The following PRMT3 variants were observed in gnomAD, a reference collection of about 807,000 sequenced individuals.
PRMT3 encodes protein arginine N-methyltransferase 3.
In PRMT3, 62 loss-of-function variants were observed where a neutral mutation model predicts 71.9. The observed-to-expected ratio is 0.86, with a 90% CI of 0.70 to 1.07. The LOEUF (loss-of-function observed/expected upper bound fraction) is 1.07. Among genes scored for constraint, PRMT3 ranks in the 50% least tolerant of loss-of-function variants. The probability of loss-of-function intolerance (pLI) is 0.00; values close to 1 mark genes in which losing one functional copy is unlikely to be tolerated. For synonymous variants in PRMT3, 213 were observed against 220.4 expected (o/e 0.97, Z 0.30); for missense variants, 663 against 643.0 (o/e 1.03, Z -0.34).
At position 20,389,976 on chromosome 11, in the gene PRMT3, A is replaced by T. The variant is rs1364969172; in HGVS notation, c.247+150A>T. On this transcript the variant is annotated intron_variant, in intron 3 of 15. Transcript: ENST00000331079. ...AGACCAGCCTGGCCAACATGCTGAA[A>T]CCCCACCTGTACTAAAATACAAAAG... 6 of 557,044 alleles carry T rather than the reference A, an allele frequency of 1.1e-5. No individual in the cohort carries two copies. The East Asian group carries it at 1.8e-4, about 17-fold the overall frequency. The allele number at this position is 557,044 out of a possible 1,614,324, so 34.5% of individuals were successfully genotyped here. A position where few individuals can be genotyped will look rare whatever the true frequency, so the allele number is the denominator to read the frequency against.
Position 20,388,128 on chromosome 11 carries a change from G to A in PRMT3, c.138G>A (p.Gln46=). The part of the protein sequence containing the change: ...EDDADLPHGK[Q]QTPCLFCNRL... ...ATGCAGATCTCCCCCACGGCAAGCA[G>A]CAGACCCCCTGCCTGTTCTGTAACA... The change falls in exon 2 of 16, where the codon CAG becomes CAA. Residue 46 remains glutamine, a synonymous_variant. Transcript: ENST00000331079. 1 of 1,613,930 alleles carries A rather than the reference G, an allele frequency of 6.2e-7. No homozygotes were observed.
intron 13 of PRMT3, among the ~76,000 whole-genome samples, chr11:20,485,909 A>G (rs992208517): frequency 6.6e-6 from 1 of 152,244 alleles, no homozygotes; most frequent in Non-Finnish European, 1.5e-5. Flanking sequence ...TGTCCACGCA[A>G]ATGTTTATAG....
At chr11:20,391,025 G>A (rs1026234107) in intron 3 of PRMT3, among the ~76,000 whole-genome samples, 9 of 149,990 alleles carry the variant, frequency 6.0e-5, no homozygotes, top group Admixed American at 2.7e-4. Context: ...ACTACAGCCT[G>A]GGTGACAGAC....
At chr11:20,396,569 G>A (rs1365891765) in intron 6 of PRMT3, among the ~76,000 whole-genome samples, 3 of 151,982 alleles carry the variant, frequency 2.0e-5, no homozygotes, top group Non-Finnish European at 2.9e-5. Context: ...ATCCGGGAAG[G>A]GGAGGTTGCA....
At chr11:20,410,727 G>A (rs1849176592) in intron 9 of PRMT3, among the ~76,000 whole-genome samples, 1 of 152,042 alleles carries the variant, frequency 6.6e-6, no homozygotes, top group Non-Finnish European at 1.5e-5. Flanking sequence ...TGTTTTTAAA[G>A]TCTCCGGGAA....
chr11:20,470,154 G>C (rs186469878), intron 13 of PRMT3, among the ~76,000 whole-genome samples: 1 of 152,244 alleles, frequency 6.6e-6, no homozygotes, highest in Admixed American at 6.5e-5. Flanking sequence ...GCATGTTACT[G>C]TATTTACAAC....
intron 10 of PRMT3, among the ~76,000 whole-genome samples, chr11:20,443,620 C>T (rs1163799143): frequency 2.6e-5 from 4 of 152,108 alleles, no homozygotes; most frequent in Non-Finnish European, 5.9e-5. Flanking sequence ...TTTTCACCCA[C>T]CATGGGGGAT....
At chr11:20,477,750 A>G (rs1590095391) in intron 13 of PRMT3, among the ~76,000 whole-genome samples, 2 of 151,664 alleles carry the variant, frequency 1.3e-5, no homozygotes, top group East Asian at 1.9e-4. Context: ...GTAATGTCGT[A>G]TTAATAGAGA....
At chr11:20,486,370 T>TA (rs1851072143) in intron 13 of PRMT3, among the ~76,000 whole-genome samples, 1 of 152,110 alleles carries the variant, frequency 6.6e-6, no homozygotes, top group African/African-American at 2.4e-5. Context: ...CATATCCTAG[T>TA]GAAACTACAG....
At chr11:20,421,663 C>G (rs889389062) in intron 9 of PRMT3, among the ~76,000 whole-genome samples, 1 of 152,194 alleles carries the variant, frequency 6.6e-6, no homozygotes, top group African/African-American at 2.4e-5. Context: ...CATCTAATTT[C>G]TCTTTTTTAC....
intron 9 of PRMT3, among the ~76,000 whole-genome samples, chr11:20,418,299 A>G (rs1182548833): frequency 6.6e-6 from 1 of 152,202 alleles, no homozygotes; most frequent in Non-Finnish European, 1.5e-5. Context: ...GTGAGTAGCC[A>G]CTTGAGAAAA....
intron 10 of PRMT3, among the ~76,000 whole-genome samples, chr11:20,429,484 G>A (rs138648343): frequency 2.3e-4 from 35 of 152,280 alleles, no homozygotes; most frequent in Non-Finnish European, 4.4e-4. Context: ...ACTTCAGAGC[G>A]TTGGTCAGGT....
At chr11:20,398,597 T>C (rs757358900) in intron 7 of PRMT3, among the ~76,000 whole-genome samples, 2 of 152,154 alleles carry the variant, frequency 1.3e-5, no homozygotes, top group Non-Finnish European at 2.9e-5. Context: ...GGACTACAGG[T>C]GCCCGCCACG....
chr11:20,393,035 A>G (rs750683855), intron 5 of PRMT3, 36 bp downstream of exon 5: 37 of 1,374,936 alleles, frequency 2.7e-5, no homozygotes, highest in Non-Finnish European at 3.6e-5. Flanking sequence ...TTTAATTAAC[A>G]TAAGGCCGTT....
At chr11:20,470,818 C>T (rs778342356) in intron 13 of PRMT3, among the ~76,000 whole-genome samples, 2 of 152,154 alleles carry the variant, frequency 1.3e-5, no homozygotes, top group Non-Finnish European at 2.9e-5. Flanking sequence ...GGAATTGCCA[C>T]TGTCTTCTGC....
chr11:20,474,446 G>C (rs924775418), intron 13 of PRMT3, among the ~76,000 whole-genome samples: 12 of 152,294 alleles, frequency 7.9e-5, no homozygotes, highest in Admixed American at 6.5e-4. Flanking sequence ...GAGTATCTAG[G>C]GACAGATCTC....
chr11:20,436,805 A>G (rs1849771262), intron 10 of PRMT3, among the ~76,000 whole-genome samples: 2 of 151,802 alleles, frequency 1.3e-5, no homozygotes, highest in African/African-American at 4.8e-5. Flanking sequence ...TCATAGAATG[A>G]GTTTGGAAGA....
chr11:20,456,181 A>T (rs1030042609), intron 11 of PRMT3, among the ~76,000 whole-genome samples: 3 of 152,212 alleles, frequency 2.0e-5, no homozygotes, highest in African/African-American at 4.8e-5. Context: ...TTATATAAAT[A>T]AATAGACGAC....
intron 13 of PRMT3, among the ~76,000 whole-genome samples, chr11:20,484,315 C>T (rs1185248005): frequency 6.6e-6 from 1 of 152,310 alleles, no homozygotes; most frequent in Middle Eastern, 3.4e-3. Flanking sequence ...ATACCCTACT[C>T]TGGGATTAAA....
Sources: allele counts gnomAD v4.1 joint callset (sites outside exome capture counted in the v4.1 genomes callset), GRCh38; gene constraint gnomAD v4.1.1; transcripts MANE v1.5; gene names NCBI Gene and HGNC (gene_info 2026-07-23, HGNC 2026-07-21).